CDIN1: variants seen among roughly 807,000 people sequenced by gnomAD.
The protein encoded by CDIN1 is CDAN1-interacting nuclease 1.
A neutral mutation model predicts 45.3 loss-of-function variants in CDIN1; 33 were observed. The observed-to-expected ratio is 0.73, with a 90% confidence interval of 0.55 to 0.97. The LOEUF (loss-of-function observed/expected upper bound fraction) is 0.97. Among genes scored for constraint, CDIN1 ranks in the 50% least tolerant of loss-of-function variants. The probability of loss-of-function intolerance (pLI) is 0.00; values close to 1 mark genes in which losing one functional copy is unlikely to be tolerated. For synonymous variants in CDIN1, 118 were observed against 124.4 expected, an observed-to-expected ratio of 0.95 and a Z score of 0.34; for missense variants, 303 against 339.4, an observed-to-expected ratio of 0.89 and a Z score of 0.84.
At chr15:36,724,132 G>A (rs1002130030) in intron 10 of CDIN1, among the ~76,000 whole-genome samples, 148 of 152,182 alleles carry the variant, frequency 9.7e-4, no homozygotes, top group Admixed American at 6.2e-3. Flanking sequence ...AAAGCCAGTG[G>A]AGTTTTTTGA....
intron 10 of CDIN1, among the ~76,000 whole-genome samples, chr15:36,757,561 C>T (rs1357095507): frequency 6.6e-6 from 1 of 152,160 alleles, no homozygotes; most frequent in Non-Finnish European, 1.5e-5. Context: ...AAGTTGAGCA[C>T]CGTTCTGAGG....
At chr15:36,616,237 G>A (rs180738719) in intron 1 of CDIN1, among the ~76,000 whole-genome samples, 127 of 152,048 alleles carry the variant, frequency 8.4e-4, no homozygotes, top group African/African-American at 3.0e-3. Context: ...AGAACTGGAT[G>A]CTTCTGTTTT....
intron 1 of CDIN1, among the ~76,000 whole-genome samples, chr15:36,605,663 C>T (rs2038329754): frequency 6.6e-6 from 1 of 152,136 alleles, no homozygotes; most frequent in Admixed American, 6.5e-5. Context: ...TTGACTGTCC[C>T]CATTTACATC....
chr15:36,771,582 A>G (rs1487395497), intron 10 of CDIN1, among the ~76,000 whole-genome samples: 3 of 152,182 alleles, frequency 2.0e-5, no homozygotes, highest in African/African-American at 7.2e-5. Flanking sequence ...TGCCATGGCC[A>G]GGTCTCTGTA....
At chr15:36,679,799 C>G (rs1000496537) in intron 5 of CDIN1, among the ~76,000 whole-genome samples, 1 of 152,130 alleles carries the variant, frequency 6.6e-6, no homozygotes, top group Admixed American at 6.5e-5. Context: ...TTCTCTAAGT[C>G]TTGTGTCAGG....
intron 1 of CDIN1, among the ~76,000 whole-genome samples, chr15:36,601,507 T>C (rs1168153931): frequency 6.6e-6 from 1 of 152,160 alleles, no homozygotes. Context: ...TTAAACCTCA[T>C]GAACTTGTTT....
At chr15:36,743,803 C>T (rs897164493) in intron 10 of CDIN1, among the ~76,000 whole-genome samples, 10 of 151,826 alleles carry the variant, frequency 6.6e-5, no homozygotes, top group Middle Eastern at 6.8e-3. Flanking sequence ...GTGGGAGGAT[C>T]GCATGAGCCC....
intron 1 of CDIN1, chr15:36,619,107 G>A: frequency 2.8e-6 from 3 of 1,063,770 alleles, no homozygotes; most frequent in Non-Finnish European, 4.2e-6. Context: ...CAGAAGCAAG[G>A]GCTAGTAAGG....
chr15:36,740,232 T>C (rs1455268552), intron 10 of CDIN1, among the ~76,000 whole-genome samples: 2 of 152,224 alleles, frequency 1.3e-5, no homozygotes, highest in Non-Finnish European at 2.9e-5. Flanking sequence ...GTGTCCCCTT[T>C]GGAATGCCCT....
intron 10 of CDIN1, among the ~76,000 whole-genome samples, chr15:36,738,292 G>C (rs1201639166): frequency 2.0e-5 from 3 of 152,052 alleles, no homozygotes; most frequent in Admixed American, 2.0e-4. Flanking sequence ...CTCAAATTCA[G>C]CGTAGCCATA....
At chr15:36,667,592 A>G (rs1456081153) in intron 5 of CDIN1, among the ~76,000 whole-genome samples, 1 of 152,132 alleles carries the variant, frequency 6.6e-6, no homozygotes, top group South Asian at 2.1e-4. Context: ...ATGATTGGGT[A>G]CTCCTACAAA....
At chr15:36,699,067 A>G (rs1288907234) in intron 8 of CDIN1, among the ~76,000 whole-genome samples, 1 of 152,184 alleles carries the variant, frequency 6.6e-6, no homozygotes, top group Non-Finnish European at 1.5e-5. Context: ...TCTAGAGGTA[A>G]TTATTTTATG....
rs114120006 is a variant in CDIN1, at chr15:36,764,665, C to A, written c.717-43659C>A. Among the ~76,000 whole-genome samples the A allele has an allele frequency of 7.8e-3, 1,185 of 152,290 alleles. 18 individuals are homozygous for A. The highest frequency in any genetic ancestry group is 0.027 in the African/African-American group (1,103 of 41,564). ...CAGCTTAAATATCTGCAGCTGTCCCCTAATATCTGTTCTCCCCTTCTTTCT... is the reference window on the plus strand; with the variant it reads ...CAGCTTAAATATCTGCAGCTGTCCCATAATATCTGTTCTCCCCTTCTTTCT... On this transcript the variant is annotated intron_variant, in intron 10 of 10. Transcript: ENST00000566621.
At chr15:36,803,698 C>T (rs149177183) in intron 10 of CDIN1, among the ~76,000 whole-genome samples, 53 of 152,298 alleles carry the variant, frequency 3.5e-4, no homozygotes, top group African/African-American at 1.1e-3. Flanking sequence ...AGCTACAGCA[C>T]GAATCAAATC....
At chr15:36,774,999 A>G (rs1470777992) in intron 10 of CDIN1, among the ~76,000 whole-genome samples, 2 of 152,186 alleles carry the variant, frequency 1.3e-5, no homozygotes, top group Non-Finnish European at 2.9e-5. Flanking sequence ...TATTGTATTT[A>G]GCTTGTAATT....
At chr15:36,589,545 T>TCG (rs2037469457) in intron 1 of CDIN1, among the ~76,000 whole-genome samples, 1 of 151,414 alleles carries the variant, frequency 6.6e-6, no homozygotes, top group Non-Finnish European at 1.5e-5. Context: ...TTGCTCTGCT[T>TCG]CCCAGGCTGG....
At chr15:36,736,223 AC>A (rs1419705459) in intron 10 of CDIN1, among the ~76,000 whole-genome samples, 1 of 151,878 alleles carries the variant, frequency 6.6e-6, no homozygotes, top group Non-Finnish European at 1.5e-5. Context: ...TATTCTCTCC[AC>A]TTGTCTCAAA....
chr15:36,590,730 G>A (rs975553404), intron 1 of CDIN1, among the ~76,000 whole-genome samples: 2 of 152,146 alleles, frequency 1.3e-5, no homozygotes, highest in African/African-American at 4.8e-5. Flanking sequence ...CTGAACTTGT[G>A]TTTATTCTGT....
In CDIN1 at chr15:36,654,513, CAAA is replaced by C. The variant is rs35679788; in HGVS notation, c.273+372_273+374del. Among the ~76,000 whole-genome samples the C allele has an allele frequency of 9.1e-4, 87 of 95,296 alleles. No individual in the cohort carries two copies. The South Asian group carries it at 0.031, about 34-fold the overall frequency. 62.5% of individuals were successfully genotyped at this position (95,296 alleles called of 152,430 possible). On this transcript the variant is annotated intron_variant, in intron 4 of 10. Coordinates refer to ENST00000566621, the MANE Select transcript of CDIN1 (RefSeq NM_001321759.2). ...CTGTGTCAAGTAAAGAGATGGATGC[CAAA>C]AAAAAAAAAAAAAAAACTGCTGTTA...
Sources: gnomAD v4.1 joint callset for allele counts (sites outside exome capture counted in the v4.1 genomes callset) on GRCh38, gnomAD v4.1.1 for gene constraint, MANE v1.5 for transcripts, NCBI Gene and HGNC (gene_info 2026-07-23, HGNC 2026-07-21) for gene names.